Variants in NELL2 observed in about 807,000 individuals in gnomAD.
NELL2 encodes neural EGFL like 2.
A neutral mutation model predicts 109.6 loss-of-function variants in NELL2; 41 were observed. That is an observed-to-expected ratio of 0.37 (90% CI 0.29 to 0.49). The LOEUF (loss-of-function observed/expected upper bound fraction) is 0.49, where lower values mean the gene tolerates loss of function less well. Among genes scored for constraint, NELL2 ranks in the 20% least tolerant of loss-of-function variants. The probability of loss-of-function intolerance (pLI) is 0.98; values close to 1 mark genes in which losing one functional copy is unlikely to be tolerated. For synonymous variants in NELL2, 355 were observed against 344.7 expected (o/e 1.03, Z -0.33); for missense variants, 900 against 1,008.3 (o/e 0.89, Z 1.45).
chr12:44,769,895 G>A (rs1194275808), intron 9 of NELL2, among the ~76,000 whole-genome samples: 1 of 152,132 alleles, frequency 6.6e-6, no homozygotes, highest in Non-Finnish European at 1.5e-5. Context: ...CTGAGTACAA[G>A]AAGCCAGACA....
intron 12 of NELL2, among the ~76,000 whole-genome samples, chr12:44,695,658 A>G (rs949558226): frequency 7.2e-5 from 11 of 152,170 alleles, no homozygotes; most frequent in Admixed American, 6.5e-4. Context: ...TTTGAACCCC[A>G]AATTTACTGT....
intron 9 of NELL2, among the ~76,000 whole-genome samples, chr12:44,734,582 C>G (rs1450532971): frequency 6.6e-6 from 1 of 151,560 alleles, no homozygotes; most frequent in Non-Finnish European, 1.5e-5. Context: ...TCATTTTTTG[C>G]TCATTCAATT....
intron 3 of NELL2, among the ~76,000 whole-genome samples, chr12:44,794,488 G>C (rs1942548851): frequency 6.6e-6 from 1 of 152,060 alleles, no homozygotes; most frequent in Admixed American, 6.6e-5. Context: ...GTACCTCCTT[G>C]TGCTGGCAGC....
chr12:44,666,237 A>T (rs887635581), intron 12 of NELL2, among the ~76,000 whole-genome samples: 5 of 152,230 alleles, frequency 3.3e-5, no homozygotes, highest in Admixed American at 3.3e-4. Flanking sequence ...TCACACACTG[A>T]GTTTTGAGTA....
intron 2 of NELL2, among the ~76,000 whole-genome samples, chr12:44,840,891 A>C (rs1030846228): frequency 2.6e-5 from 4 of 152,194 alleles, no homozygotes; most frequent in Admixed American, 6.5e-5. Flanking sequence ...AAATGCTGAA[A>C]ATGTTTTCCT....
At chr12:44,896,519 A>G (rs1157343984) in intron 1 of NELL2, among the ~76,000 whole-genome samples, 1 of 152,244 alleles carries the variant, frequency 6.6e-6, no homozygotes, top group Non-Finnish European at 1.5e-5. Context: ...AAAGTGGTGT[A>G]TATTTCCAAG....
intron 13 of NELL2, among the ~76,000 whole-genome samples, chr12:44,620,289 C>T (rs140054587): frequency 1.8e-4 from 28 of 152,108 alleles, no homozygotes; most frequent in Non-Finnish European, 2.8e-4. Flanking sequence ...ATGGTAAACC[C>T]GTGGGTCTAA....
At chr12:44,801,015 A>G (rs1942810413) in intron 3 of NELL2, among the ~76,000 whole-genome samples, 2 of 152,152 alleles carry the variant, frequency 1.3e-5, no homozygotes, top group Non-Finnish European at 2.9e-5. Context: ...CTGAGGCGAC[A>G]TTTTGATTGT....
chr12:44,884,507 CA>C (rs773290151), intron 1 of NELL2, among the ~76,000 whole-genome samples: 6 of 151,812 alleles, frequency 4.0e-5, no homozygotes, highest in Non-Finnish European at 8.8e-5. Flanking sequence ...ACAAATATTC[CA>C]GAAAATAAAG....
chr12:44,637,633 G>T, intron 13 of NELL2, among the ~76,000 whole-genome samples: 1 of 148,936 alleles, frequency 6.7e-6, no homozygotes, highest in East Asian at 2.0e-4. Flanking sequence ...GAGGGAATAC[G>T]CGTGTAAAGA....
At chr12:44,852,890 T>G (rs921528059) in intron 2 of NELL2, among the ~76,000 whole-genome samples, 3 of 152,082 alleles carry the variant, frequency 2.0e-5, no homozygotes, top group Non-Finnish European at 4.4e-5. Flanking sequence ...GGGATGAAAA[T>G]GTACTATGAG....
intron 15 of NELL2, among the ~76,000 whole-genome samples, chr12:44,561,772 C>T (rs1375722667): frequency 6.6e-6 from 1 of 152,174 alleles, no homozygotes; most frequent in African/African-American, 2.4e-5. Flanking sequence ...TCAATGCTGT[C>T]CCCATGAAGC....
upstream of NELL2, among the ~76,000 whole-genome samples, chr12:44,917,271 G>A (rs1196697083): frequency 2.6e-5 from 4 of 152,136 alleles, no homozygotes; most frequent in African/African-American, 9.7e-5. Flanking sequence ...TGATTATACA[G>A]TAGAATAAAA....
intron 9 of NELL2, among the ~76,000 whole-genome samples, chr12:44,745,223 C>T (rs1940264610): frequency 6.6e-6 from 1 of 151,730 alleles, no homozygotes; most frequent in Admixed American, 6.5e-5. Context: ...TCAACAGATG[C>T]AGAAAAGGCC....
chr12:44,846,501 T>C (rs1477386038), intron 2 of NELL2, among the ~76,000 whole-genome samples: 1 of 152,192 alleles, frequency 6.6e-6, no homozygotes, highest in Non-Finnish European at 1.5e-5. Flanking sequence ...ACCATTATCA[T>C]TTGTCATGTC....
chr12:44,809,294 T>TA (rs1943098786), intron 3 of NELL2, among the ~76,000 whole-genome samples: 1 of 152,094 alleles, frequency 6.6e-6, no homozygotes, highest in South Asian at 2.1e-4. Flanking sequence ...AACAATCCTT[T>TA]ATATTTTTCA....
At chr12:44,585,447 C>CA (rs1222242536) in intron 15 of NELL2, among the ~76,000 whole-genome samples, 1 of 152,064 alleles carries the variant, frequency 6.6e-6, no homozygotes, top group Non-Finnish European at 1.5e-5. Context: ...ACTAAAAATA[C>CA]AAAAATTATC....
chr12:44,848,785 C>CA (rs1321053974), intron 2 of NELL2, among the ~76,000 whole-genome samples: 1 of 151,914 alleles, frequency 6.6e-6, no homozygotes, highest in South Asian at 2.1e-4. Context: ...GTCACAGGAC[C>CA]AAAAAAATCA....
chr12:44,572,341 G>T (rs2136197204), intron 15 of NELL2, among the ~76,000 whole-genome samples: 1 of 152,074 alleles, frequency 6.6e-6, no homozygotes, highest in East Asian at 1.9e-4. Flanking sequence ...GTAGTGATGG[G>T]ATCTCCCTAT....
Sources: gnomAD v4.1 joint callset for allele counts (sites outside exome capture counted in the v4.1 genomes callset) on GRCh38, gnomAD v4.1.1 for gene constraint, MANE v1.5 for transcripts, NCBI Gene and HGNC (gene_info 2026-07-23, HGNC 2026-07-21) for gene names.